WDR27: variants seen among roughly 807,000 people sequenced by gnomAD.
WDR27 encodes WD repeat domain 27.
A neutral mutation model predicts 114.4 loss-of-function variants in WDR27; 100 were observed. The observed-to-expected ratio is 0.87, with a 90% CI of 0.74 to 1.03. The LOEUF (loss-of-function observed/expected upper bound fraction) is 1.03, where lower values mean the gene tolerates loss of function less well. Among genes scored for constraint, WDR27 ranks in the 50% least tolerant of loss-of-function variants. The pLI, the probability that WDR27 is intolerant of heterozygous loss-of-function variation, is 0.00. For missense variants in WDR27, 1,129 were observed against 1,092.9 expected, an observed-to-expected ratio of 1.03 and a Z score of -0.47; for synonymous variants, 449 against 423.1, an observed-to-expected ratio of 1.06 and a Z score of -0.75.
intron 25 of WDR27, among the ~76,000 whole-genome samples, chr6:169,565,160 G>T (rs769236541): frequency 1.3e-5 from 2 of 152,118 alleles, no homozygotes; most frequent in African/African-American, 4.8e-5. Context: ...TAGAAACTGC[G>T]AATCAAGAGA....
At chr6:169,447,345 TAA>T in the WDR27 span, among the ~76,000 whole-genome samples, 3 of 152,218 alleles carry the variant, frequency 2.0e-5, no homozygotes, top group East Asian at 5.8e-4. Context: ...AAATCTTTTA[TAA>T]AAAGTTTTTC....
the WDR27 span, among the ~76,000 whole-genome samples, chr6:169,443,081 C>T: frequency 6.6e-6 from 1 of 152,194 alleles, no homozygotes; most frequent in Non-Finnish European, 1.5e-5. Context: ...TGACACAAAA[C>T]ATGCAAGGAA....
At position 169,457,436 on chromosome 6, in the gene WDR27, G is replaced by T; in HGVS notation, c.*156C>A. The T allele has an allele frequency of 1.7e-6, 1 of 581,772 alleles. No homozygotes were observed. Among genetic ancestry groups the T allele is most frequent in the Non-Finnish European group, 3.1e-6 (1 of 327,454 alleles). 36.0% of individuals were successfully genotyped at this position (581,772 alleles called of 1,614,324 possible). A position where few individuals can be genotyped will look rare whatever the true frequency, so the allele number is the denominator to read the frequency against. ...AACTCTGACATGGCACACACAGAGG[G>T]GAGGAGCTTGCAAACGGGGGAAATC... On this transcript the variant is annotated 3_prime_UTR_variant, in exon 26 of 26. Transcript: ENST00000448612.
chr6:169,607,411 CACACACACACACATATA>C (rs1291744443), intron 22 of WDR27, among the ~76,000 whole-genome samples: 1 of 39,002 alleles, frequency 2.6e-5, no homozygotes, highest in South Asian at 1.1e-3. Flanking sequence ...CACACACACA[CACACACACACACATATA>C]ATATAATATT....
the WDR27 span, among the ~76,000 whole-genome samples, chr6:169,438,236 CTTTTTTT>C: frequency 4.6e-4 from 48 of 105,456 alleles, 1 homozygote; most frequent in Non-Finnish European, 7.2e-4. Flanking sequence ...TTTACTTTTT[CTTTTTTT>C]TTTTTTTTTT....
intron 23 of WDR27, among the ~76,000 whole-genome samples, chr6:169,591,130 C>T (rs1050428057): frequency 3.3e-5 from 5 of 152,202 alleles, no homozygotes; most frequent in Non-Finnish European, 7.3e-5. Context: ...TCTCCACATC[C>T]TCATCATCAC....
chr6:169,477,373 C>T (rs1787326631), intron 25 of WDR27, among the ~76,000 whole-genome samples: 2 of 152,166 alleles, frequency 1.3e-5, no homozygotes, highest in South Asian at 2.1e-4. Flanking sequence ...TCTTATATAT[C>T]CCTCTGGCGG....
chr6:169,523,514 G>T (rs943096964), intron 25 of WDR27, among the ~76,000 whole-genome samples: 2 of 151,998 alleles, frequency 1.3e-5, no homozygotes, highest in African/African-American at 4.8e-5. Context: ...TAATATCCAC[G>T]ATGAATATAG....
At chr6:169,646,146 A>G (rs1820695693) in intron 16 of WDR27, among the ~76,000 whole-genome samples, 1 of 152,236 alleles carries the variant, frequency 6.6e-6, no homozygotes, top group Non-Finnish European at 1.5e-5. Flanking sequence ...GGGGGTCTGC[A>G]GGTGCCAGAC....
At chr6:169,519,635 C>T (rs1044125236) in intron 25 of WDR27, among the ~76,000 whole-genome samples, 3 of 152,134 alleles carry the variant, frequency 2.0e-5, no homozygotes, top group Admixed American at 1.3e-4. Flanking sequence ...ACACCTCCCA[C>T]CAGGCCCTCC....
At chr6:169,646,300 A>T (rs1449453213) in intron 16 of WDR27, among the ~76,000 whole-genome samples, 1 of 152,234 alleles carries the variant, frequency 6.6e-6, no homozygotes, top group Non-Finnish European at 1.5e-5. Context: ...GGTTGTGAAC[A>T]GGAAAAGCTG....
the WDR27 span, among the ~76,000 whole-genome samples, chr6:169,431,116 A>C: frequency 1.3e-5 from 2 of 152,164 alleles, no homozygotes; most frequent in African/African-American, 4.8e-5. Flanking sequence ...GTCACTCACC[A>C]GTTAGGGCTT....
intron 25 of WDR27, among the ~76,000 whole-genome samples, chr6:169,503,999 A>C (rs78063774): frequency 0.01 from 1,561 of 152,232 alleles, 22 homozygotes; most frequent in African/African-American, 0.035. Flanking sequence ...CTACATATCA[A>C]AGTATGGGAG....
chr6:169,641,290 C>T (rs1003358849), intron 17 of WDR27, among the ~76,000 whole-genome samples: 1 of 152,182 alleles, frequency 6.6e-6, no homozygotes, highest in African/African-American at 2.4e-5. Context: ...CAGGGTGCAT[C>T]GAAGACGAAT....
chr6:169,483,047 A>G (rs1788407586), intron 25 of WDR27, among the ~76,000 whole-genome samples: 1 of 152,210 alleles, frequency 6.6e-6, no homozygotes, highest in African/African-American at 2.4e-5. Flanking sequence ...ATTAAGAGGG[A>G]AATTTATAGC....
At position 169,644,728 on chromosome 6, in the gene WDR27, G is replaced by GTTCACACGAGTCACGCTGTA. The variant is rs1156306667; in HGVS notation, c.1658-943_1658-942insTACAGCGTGACTCGTGTGAA. Among the ~76,000 whole-genome samples the GTTCACACGAGTCACGCTGTA allele has an allele frequency of 7.4e-4, 90 of 121,286 alleles. 3 individuals are homozygous for GTTCACACGAGTCACGCTGTA. Among genetic ancestry groups the GTTCACACGAGTCACGCTGTA allele is most frequent in the African/African-American group, 1.3e-3 (34 of 26,774 alleles). 79.6% of individuals were successfully genotyped at this position (121,286 alleles called of 152,430 possible). On this transcript the variant is annotated intron_variant, in intron 16 of 25. Transcript: ENST00000448612. ...ACGAGTCACACTGTAGAAAATCCTA[G>GTTCACACGAGTCACGCTGTA]GCCGGGCGCGGTGGCTCACGCCTGT...
rs376504044 is a variant in WDR27, at chr6:169,608,983, C to G, written c.2321+4576G>C. On this transcript the variant is annotated intron_variant, in intron 22 of 25. Transcript: ENST00000448612. The stretch of plus-strand genomic sequence containing the variant: ...AAACAAAGGGGCTAGAGGCCCCATT[C>G]AAGTATGAAATCCAGTGCGGCAGTC... Among the ~76,000 whole-genome samples, 30 of 152,328 alleles carry G rather than the reference C, an allele frequency of 2.0e-4. No individual in the cohort carries two copies. In the East Asian group the frequency reaches 2.7e-3, roughly 14 times the overall value.
At chr6:169,503,433 G>T (rs902316866) in intron 25 of WDR27, among the ~76,000 whole-genome samples, 7 of 152,184 alleles carry the variant, frequency 4.6e-5, no homozygotes, top group Non-Finnish European at 8.8e-5. Context: ...AACAACAGAT[G>T]ACCTATCCCT....
At chr6:169,430,364 C>T in the WDR27 span, among the ~76,000 whole-genome samples, 243 of 152,282 alleles carry the variant, frequency 1.6e-3, 1 homozygote, top group African/African-American at 5.2e-3. Context: ...CAGGACCAGA[C>T]GGTCTGGTAG....
Sources: gnomAD v4.1 joint callset for allele counts (sites outside exome capture counted in the v4.1 genomes callset) on GRCh38, gnomAD v4.1.1 for gene constraint, MANE v1.5 for transcripts, NCBI Gene and HGNC (gene_info 2026-07-23, HGNC 2026-07-21) for gene names.